Variants in SORCS3 observed in about 807,000 individuals in gnomAD.
SORCS3 encodes sortilin related VPS10 domain containing receptor 3.
Under a neutral mutation model 146.3 loss-of-function variants are expected in SORCS3, and 57 were observed. That is an observed-to-expected ratio of 0.39 (90% confidence interval 0.31 to 0.49). The LOEUF is 0.49. Ranked by LOEUF, SORCS3 falls within the 20% of genes least tolerant of loss-of-function variation. The pLI is 0.92. For synonymous variants in SORCS3, 653 were observed against 618.5 expected, an observed-to-expected ratio of 1.06 and a Z score of -0.83; for missense variants, 1,341 against 1,575.5, an observed-to-expected ratio of 0.85 and a Z score of 2.52.
intron 20 of SORCS3, among the ~76,000 whole-genome samples, chr10:105,233,616 G>A (rs941828786): frequency 1.3e-5 from 2 of 152,014 alleles, no homozygotes; most frequent in African/African-American, 2.4e-5. Flanking sequence ...ATGTCCATGT[G>A]TTCTCATTGT....
intron 4 of SORCS3, among the ~76,000 whole-genome samples, chr10:105,000,583 T>A (rs926019979): frequency 6.6e-6 from 1 of 152,172 alleles, no homozygotes; most frequent in African/African-American, 2.4e-5. Context: ...TTCCGGCATC[T>A]ATTGTGCAGA....
intron 9 of SORCS3, among the ~76,000 whole-genome samples, chr10:105,150,059 G>A (rs2056157874): frequency 1.3e-5 from 2 of 152,086 alleles, no homozygotes; most frequent in South Asian, 2.1e-4. Context: ...CCCCTGCTTT[G>A]TGTTCAAGCC....
At chr10:105,256,682 G>T in intron 24 of SORCS3, 137 bp from the exon 25 acceptor site, 1 of 648,816 alleles carries the variant, frequency 1.5e-6, no homozygotes, top group Non-Finnish European at 2.7e-6. Flanking sequence ...TCTGCACCCA[G>T]ATATCAGGCA....
chr10:104,840,281 A>T (rs1403128739), intron 1 of SORCS3, among the ~76,000 whole-genome samples: 1 of 152,176 alleles, frequency 6.6e-6, no homozygotes, highest in African/African-American at 2.4e-5. Context: ...TTTGCTCATG[A>T]TGCTTCCTCC....
chr10:104,704,080 C>G (rs2016310086), intron 1 of SORCS3, among the ~76,000 whole-genome samples: 1 of 151,764 alleles, frequency 6.6e-6, no homozygotes, highest in South Asian at 2.1e-4. Context: ...GGGAGAATAA[C>G]ATGGTTATTT....
intron 5 of SORCS3, among the ~76,000 whole-genome samples, chr10:105,076,208 T>C (rs569364575): frequency 6.6e-6 from 1 of 152,298 alleles, no homozygotes; most frequent in South Asian, 2.1e-4. Flanking sequence ...ACACAATTAA[T>C]AAATGTAGAG....
intron 1 of SORCS3, among the ~76,000 whole-genome samples, chr10:104,661,605 T>G (rs1355542683): frequency 6.6e-6 from 1 of 152,158 alleles, no homozygotes; most frequent in East Asian, 1.9e-4. Context: ...ACACACTTCA[T>G]AGTTGAGTTG....
chr10:104,663,629 T>C (rs1441085672), intron 1 of SORCS3, among the ~76,000 whole-genome samples: 1 of 152,156 alleles, frequency 6.6e-6, no homozygotes, highest in Admixed American at 6.5e-5. Context: ...ACTAGCAAAA[T>C]ACTGGCCACA....
intron 9 of SORCS3, among the ~76,000 whole-genome samples, chr10:105,148,454 G>A (rs2056147333): frequency 6.6e-6 from 1 of 152,138 alleles, no homozygotes; most frequent in Non-Finnish European, 1.5e-5. Context: ...ACTATTTTCA[G>A]TGACCTAAAA....
chr10:105,215,898 G>A (rs958714017), intron 18 of SORCS3, among the ~76,000 whole-genome samples: 3 of 141,248 alleles, frequency 2.1e-5, no homozygotes, highest in Non-Finnish European at 3.0e-5. Context: ...TATGAACAGA[G>A]CAATGCTATT....
intron 4 of SORCS3, among the ~76,000 whole-genome samples, chr10:105,041,383 T>C (rs1428023780): frequency 6.8e-6 from 1 of 147,482 alleles, no homozygotes; most frequent in Non-Finnish European, 1.5e-5. Context: ...CCTGACAACA[T>C]TACAGGCTAT....
intron 10 of SORCS3, 61 bp downstream of exon 10, chr10:105,157,345 T>C: frequency 1.3e-6 from 2 of 1,593,770 alleles, no homozygotes; most frequent in Non-Finnish European, 1.7e-6. Context: ...AGAAGCTGTG[T>C]CGAGGGCTTT....
intron 1 of SORCS3, among the ~76,000 whole-genome samples, chr10:104,730,511 G>T (rs1213346307): frequency 6.6e-6 from 1 of 152,154 alleles, no homozygotes; most frequent in Non-Finnish European, 1.5e-5. Context: ...GACCAGATAG[G>T]ACATCTCTTT....
At chr10:104,886,604 A>ATCTG (rs2018691174) in intron 2 of SORCS3, among the ~76,000 whole-genome samples, 1 of 148,508 alleles carries the variant, frequency 6.7e-6, no homozygotes, top group African/African-American at 2.5e-5. Flanking sequence ...CTATCTATCT[A>ATCTG]TCTACATTCT....
chr10:104,980,354 A>G (rs1564727644), intron 4 of SORCS3, among the ~76,000 whole-genome samples: 1 of 152,232 alleles, frequency 6.6e-6, no homozygotes, highest in Non-Finnish European at 1.5e-5. Context: ...GCCCCTGGCA[A>G]CACTTGCAGA....
At chr10:104,715,276 A>G (rs940577225) in intron 1 of SORCS3, among the ~76,000 whole-genome samples, 7 of 152,144 alleles carry the variant, frequency 4.6e-5, no homozygotes, top group African/African-American at 1.4e-4. Flanking sequence ...TGCAGGCCCA[A>G]ATAGAACAAA....
At chr10:105,100,855 G>A (rs1360081476) in intron 6 of SORCS3, among the ~76,000 whole-genome samples, 1 of 152,186 alleles carries the variant, frequency 6.6e-6, no homozygotes, top group Non-Finnish European at 1.5e-5. Context: ...TCCACAATGT[G>A]CTAAACAATT....
chr10:104,999,661 C>T (rs1267767133), intron 4 of SORCS3, among the ~76,000 whole-genome samples: 3 of 152,148 alleles, frequency 2.0e-5, no homozygotes, highest in Non-Finnish European at 4.4e-5. Flanking sequence ...GATCTACACC[C>T]CATCATATAA....
chr10:104,645,180 G>T (rs1448070078), intron 1 of SORCS3, among the ~76,000 whole-genome samples: 1 of 152,130 alleles, frequency 6.6e-6, no homozygotes, highest in Non-Finnish European at 1.5e-5. Flanking sequence ...CTTGGCCTTG[G>T]ACCCTTTACT....
Sources: allele counts gnomAD v4.1 joint callset (sites outside exome capture counted in the v4.1 genomes callset), GRCh38; gene constraint gnomAD v4.1.1; transcripts MANE v1.5; gene names NCBI Gene and HGNC (gene_info 2026-07-23, HGNC 2026-07-21).